DCAF6: variants seen among roughly 807,000 people sequenced by gnomAD.
DCAF6 encodes DDB1- and CUL4-associated factor 6.
DCAF6 carries 54 observed loss-of-function variants against 125.1 expected under a neutral mutation model. The ratio of observed to expected loss-of-function variants is 0.43; its 90% CI spans 0.35 to 0.54. The LOEUF (loss-of-function observed/expected upper bound fraction) is 0.54. DCAF6 is among the 20% of genes least tolerant of loss of function. DCAF6 has a pLI of 0.01. For missense variants in DCAF6, 934 were observed against 1,161.7 expected, an observed-to-expected ratio of 0.80 and a Z score of 2.85; for synonymous variants, 371 against 390.4, an observed-to-expected ratio of 0.95 and a Z score of 0.58.
At chr1:168,009,763 C>T (rs1436014748) in intron 10 of DCAF6, among the ~76,000 whole-genome samples, 1 of 151,230 alleles carries the variant, frequency 6.6e-6, no homozygotes, top group Admixed American at 6.6e-5. Flanking sequence ...AGTCCTCTTT[C>T]CTTTTTCTTC....
At chr1:167,972,038 T>C (rs888922938) in intron 3 of DCAF6, among the ~76,000 whole-genome samples, 1 of 152,114 alleles carries the variant, frequency 6.6e-6, no homozygotes, top group African/African-American at 2.4e-5. Context: ...GTATTTTTAG[T>C]GGAGATGGGG....
intron 7 of DCAF6, among the ~76,000 whole-genome samples, chr1:167,999,645 C>G (rs1682298293): frequency 6.6e-6 from 1 of 152,162 alleles, no homozygotes; most frequent in Non-Finnish European, 1.5e-5. Context: ...CAGCTTCTTT[C>G]CTTAAACTGC....
chr1:167,984,394 A>G (rs1346093561), intron 4 of DCAF6, among the ~76,000 whole-genome samples: 2 of 152,332 alleles, frequency 1.3e-5, no homozygotes, highest in East Asian at 3.9e-4. Flanking sequence ...TTAATAATTT[A>G]ATTTTATAAT....
intron 2 of DCAF6, among the ~76,000 whole-genome samples, chr1:167,965,290 G>A (rs1191180713): frequency 1.3e-5 from 2 of 152,162 alleles, no homozygotes; most frequent in East Asian, 3.8e-4. Context: ...TCCCAACTGA[G>A]GTGGAACAGG....
rs562367575 is a variant in DCAF6 at position 168,065,499 on chromosome 1, A to G, written c.2440-91A>G. The G allele has an allele frequency of 4.8e-4, 495 of 1,025,118 alleles. 5 individuals carry two copies. In the South Asian group the frequency reaches 8.3e-3, roughly 17 times the overall value. 63.5% of individuals were successfully genotyped at this position (1,025,118 alleles called of 1,614,324 possible). On this transcript the variant is annotated intron_variant, in intron 18 of 21. Coordinates refer to ENST00000367840, the MANE Select transcript of DCAF6 (RefSeq NM_001198956.2). ...AGCCAGTTTTTTAAAAAATGTAAGA[A>G]TTAAAACAAATAAAAAAATGTAAGA... is the stretch of plus-strand genomic sequence containing the variant.
chr1:167,999,415 C>G (rs1315930712), intron 7 of DCAF6, among the ~76,000 whole-genome samples: 3 of 152,162 alleles, frequency 2.0e-5, no homozygotes, highest in East Asian at 3.8e-4. Flanking sequence ...ACCAGCATGT[C>G]CTTCGAAGCT....
In DCAF6 at chr1:167,954,939, C is replaced by T. The variant is rs560196700; in HGVS notation, c.159+3078C>T. On this transcript the variant is annotated intron_variant, in intron 2 of 21. Coordinates refer to ENST00000367840, the MANE Select transcript of DCAF6 (RefSeq NM_001198956.2). ...CATTCCTTACACATCACCCTCAACC[C>T]CAGTCAACCAATGATCTCTATTCTG... 7.9e-5 allele frequency among the ~76,000 whole-genome samples: 12 copies of T among 152,260 alleles called. No individual in the cohort carries two copies. In the South Asian group the frequency reaches 2.5e-3, roughly 32 times the overall value.
chr1:167,921,185 T>C, the DCAF6 span, among the ~76,000 whole-genome samples: 91 of 152,242 alleles, frequency 6.0e-4, 1 homozygote, highest in African/African-American at 2.1e-3. Flanking sequence ...TTTTTAAAAG[T>C]ATAAATATCA....
At chr1:167,876,325 G>A in the DCAF6 span, among the ~76,000 whole-genome samples, 7 of 151,826 alleles carry the variant, frequency 4.6e-5, no homozygotes, top group African/African-American at 1.5e-4. Context: ...GGCACAAAGA[G>A]TTTAATTGCC....
chr1:168,036,910 T>C (rs1303807552), intron 12 of DCAF6, among the ~76,000 whole-genome samples: 1 of 152,194 alleles, frequency 6.6e-6, no homozygotes, highest in Non-Finnish European at 1.5e-5. Context: ...ATTCACATTA[T>C]TTTCAAATAG....
At chr1:167,928,754 A>G in the DCAF6 span, among the ~76,000 whole-genome samples, 3 of 152,234 alleles carry the variant, frequency 2.0e-5, no homozygotes, top group Non-Finnish European at 2.9e-5. Context: ...TGAAGTGATT[A>G]TAATACCTTA....
intron 1 of DCAF6, among the ~76,000 whole-genome samples, chr1:167,944,583 T>C (rs1029705245): frequency 1.3e-5 from 2 of 152,250 alleles, no homozygotes; most frequent in Non-Finnish European, 2.9e-5. Flanking sequence ...TTTTTTCATA[T>C]ACCTGTTGGG....
chr1:167,922,724 A>AT, the DCAF6 span, among the ~76,000 whole-genome samples: 1 of 152,170 alleles, frequency 6.6e-6, no homozygotes, highest in Non-Finnish European at 1.5e-5. Context: ...AGGCCATAAG[A>AT]TTGAGTCATA....
chr1:167,902,057 G>GAGAA, the DCAF6 span: 3 of 1,584,190 alleles, frequency 1.9e-6, no homozygotes, highest in Non-Finnish European at 2.6e-6. Flanking sequence ...CAACACTTCT[G>GAGAA]AGAAAAAAAA....
intron 10 of DCAF6, among the ~76,000 whole-genome samples, chr1:168,009,421 T>G (rs1683922121): frequency 7.2e-6 from 1 of 138,678 alleles, no homozygotes; most frequent in Non-Finnish European, 1.6e-5. Flanking sequence ...CTCTTTTGTT[T>G]CTTTCTGTCT....
At chr1:168,028,287 T>A (rs1366427426) in intron 12 of DCAF6, among the ~76,000 whole-genome samples, 2 of 152,148 alleles carry the variant, frequency 1.3e-5, no homozygotes, top group African/African-American at 2.4e-5. Context: ...TATTTTATTT[T>A]AAAAAATAAC....
intron 1 of DCAF6, among the ~76,000 whole-genome samples, chr1:167,941,523 A>G (rs1428908966): frequency 6.6e-6 from 1 of 152,186 alleles, no homozygotes; most frequent in Non-Finnish European, 1.5e-5. Flanking sequence ...AAAATAAAGG[A>G]TTCTCTAGGT....
the DCAF6 span, among the ~76,000 whole-genome samples, chr1:167,907,547 C>A: frequency 5.9e-5 from 9 of 152,066 alleles, no homozygotes; most frequent in Admixed American, 5.2e-4. Context: ...TGGCATTGAC[C>A]AAAGCAAATT....
the DCAF6 span, among the ~76,000 whole-genome samples, chr1:167,909,289 C>G: frequency 6.6e-6 from 1 of 152,164 alleles, no homozygotes; most frequent in African/African-American, 2.4e-5. Context: ...ATACTATTGA[C>G]CTGTGGGTTG....
Sources: gnomAD v4.1 joint callset for allele counts (sites outside exome capture counted in the v4.1 genomes callset) on GRCh38, gnomAD v4.1.1 for gene constraint, MANE v1.5 for transcripts, NCBI Gene and HGNC (gene_info 2026-07-23, HGNC 2026-07-21) for gene names.